SYT9: variants seen among roughly 807,000 people sequenced by gnomAD.
SYT9 encodes synaptotagmin-9.
SYT9 carries 22 observed loss-of-function variants against 48.4 expected under a neutral mutation model. The observed-to-expected ratio is 0.45, with a 90% CI of 0.32 to 0.65. The LOEUF is 0.65. SYT9 is among the 30% of genes least tolerant of loss of function. The probability of loss-of-function intolerance (pLI) is 0.03; values close to 1 mark genes in which losing one functional copy is unlikely to be tolerated. For synonymous variants in SYT9, 265 were observed against 245.0 expected, an observed-to-expected ratio of 1.08 and a Z score of -0.76; for missense variants, 577 against 622.0, an observed-to-expected ratio of 0.93 and a Z score of 0.77.
intron 1 of SYT9, among the ~76,000 whole-genome samples, chr11:7,283,562 T>G (rs961531446): frequency 1.1e-4 from 16 of 152,286 alleles, no homozygotes; most frequent in Admixed American, 3.3e-4. Context: ...AGTTAATGTT[T>G]TCAGTAAAAA....
At chr11:7,377,730 G>A (rs7934287) in intron 3 of SYT9, among the ~76,000 whole-genome samples, 47,851 of 151,874 alleles carry the variant, frequency 0.32, 8,097 homozygotes, top group African/African-American at 0.44. Flanking sequence ...TCATATCTCC[G>A]CCACACAAGA....
intron 1 of SYT9, among the ~76,000 whole-genome samples, chr11:7,283,036 C>A (rs892524033): frequency 6.6e-6 from 1 of 151,102 alleles, no homozygotes; most frequent in Non-Finnish European, 1.5e-5. Context: ...CAGAGGCAAC[C>A]ATTTTTATTT....
At chr11:7,367,842 A>G (rs1255976100) in intron 3 of SYT9, among the ~76,000 whole-genome samples, 3 of 152,364 alleles carry the variant, frequency 2.0e-5, no homozygotes, top group East Asian at 1.9e-4. Context: ...AAAACTGCCT[A>G]TATTAACAAT....
chr11:7,313,909 ATCCT>A lies in SYT9; in HGVS notation c.1014_1017del (p.Leu339GlyfsTer17). 1 of 1,613,694 alleles carries A rather than the reference ATCCT, an allele frequency of 6.2e-7. No individual in the cohort carries two copies. On this transcript the variant is annotated frameshift_variant, in exon 3 of 7. Transcript: ENST00000318881. LOFTEE classifies it high-confidence loss of function. ...CTTGGCTGATTTCCCCAGGGAGTGCATCCTTTGGAAGGATATCGAATATGTCACC... is the reference window on the plus strand; with the variant it reads ...CTTGGCTGATTTCCCCAGGGAGTGCATTGGAAGGATATCGAATATGTCACC...
chr11:7,257,586 A>C (rs1847997498), intron 1 of SYT9, among the ~76,000 whole-genome samples: 1 of 152,184 alleles, frequency 6.6e-6, no homozygotes, highest in Non-Finnish European at 1.5e-5. Context: ...GCCTTGATTC[A>C]AATTTTTCTA....
chr11:7,284,176 A>G (rs1354736696), intron 1 of SYT9, among the ~76,000 whole-genome samples: 4 of 152,110 alleles, frequency 2.6e-5, no homozygotes, highest in Non-Finnish European at 4.4e-5. Flanking sequence ...TTTCTTCACT[A>G]TATTGTTAAG....
intron 3 of SYT9, among the ~76,000 whole-genome samples, chr11:7,397,704 G>T (rs6578856): frequency 0.79 from 120,592 of 151,994 alleles, 48,076 homozygotes; most frequent in Non-Finnish European, 0.84. Flanking sequence ...CATCAATGTT[G>T]GTAGTTTTCA....
At chr11:7,310,005 G>T (rs1459139733) in intron 2 of SYT9, among the ~76,000 whole-genome samples, 2 of 152,208 alleles carry the variant, frequency 1.3e-5, no homozygotes, top group African/African-American at 4.8e-5. Flanking sequence ...AGATTCAACT[G>T]ATTTCCCAAG....
intron 6 of SYT9, among the ~76,000 whole-genome samples, chr11:7,449,926 C>A (rs1231985826): frequency 6.6e-6 from 1 of 152,164 alleles, no homozygotes; most frequent in Non-Finnish European, 1.5e-5. Flanking sequence ...CTACCACCCC[C>A]TCCCCTGTGC....
intron 3 of SYT9, among the ~76,000 whole-genome samples, chr11:7,366,205 T>A (rs1156772717): frequency 6.6e-6 from 1 of 152,174 alleles, no homozygotes; most frequent in Admixed American, 6.5e-5. Flanking sequence ...TACCTGGGTT[T>A]TGGGCCTTCT....
chr11:7,298,492 G>T (rs943531953), intron 1 of SYT9, among the ~76,000 whole-genome samples: 7 of 152,058 alleles, frequency 4.6e-5, no homozygotes, highest in Non-Finnish European at 1.0e-4. Flanking sequence ...TTGAGGTGTT[G>T]ATTTGCCCAT....
At chr11:7,383,937 C>T (rs927362565) in intron 3 of SYT9, among the ~76,000 whole-genome samples, 7 of 152,184 alleles carry the variant, frequency 4.6e-5, no homozygotes, top group Admixed American at 3.9e-4. Flanking sequence ...CTTTCAGCTA[C>T]TTTGTTTCTT....
In SYT9 at chr11:7,252,648, C is replaced by T. The variant is rs2119759716; in HGVS notation, c.145+317C>T. Among the ~76,000 whole-genome samples the T allele has an allele frequency of 6.6e-6, 1 of 152,358 alleles. No individual in the cohort carries two copies. Among genetic ancestry groups the T allele is most frequent in the South Asian group, 2.1e-4 (1 of 4,834 alleles). ...AGCTCCGAGCTACGCTCTCCACTTC[C>T]CGGGCTATCTGCACTCAGAGCGAGG... On this transcript the variant is annotated intron_variant, in intron 1 of 6. Coordinates refer to ENST00000318881, the MANE Select transcript of SYT9 (RefSeq NM_175733.4). The surrounding 1 kb of genome is among the most constrained non-coding windows in gnomAD (Gnocchi z 6.3).
At chr11:7,360,244 G>A (rs1266852796) in intron 3 of SYT9, among the ~76,000 whole-genome samples, 3 of 152,054 alleles carry the variant, frequency 2.0e-5, no homozygotes, top group Non-Finnish European at 4.4e-5. Flanking sequence ...ATGCTGTTTT[G>A]GTTACTGTAG....
At chr11:7,429,012 G>A (rs1402718692) in intron 6 of SYT9, among the ~76,000 whole-genome samples, 1 of 152,166 alleles carries the variant, frequency 6.6e-6, no homozygotes, top group African/African-American at 2.4e-5. Context: ...GTTGGAATAG[G>A]TGGTTTTAGT....
chr11:7,400,046 C>G (rs1010060519), intron 3 of SYT9, among the ~76,000 whole-genome samples: 1 of 152,190 alleles, frequency 6.6e-6, no homozygotes, highest in African/African-American at 2.4e-5. Context: ...CACGTACTTA[C>G]CCCAAATGTG....
At chr11:7,243,419 G>A (rs1847759131) in intron 1 of SYT9, among the ~76,000 whole-genome samples, 1 of 152,112 alleles carries the variant, frequency 6.6e-6, no homozygotes, top group African/African-American at 2.4e-5. Context: ...GTTTTTCTAT[G>A]GTCTCTGAAT....
At chr11:7,254,421 C>T (rs1847929024) in intron 1 of SYT9, among the ~76,000 whole-genome samples, 1 of 152,096 alleles carries the variant, frequency 6.6e-6, no homozygotes, top group African/African-American at 2.4e-5. Flanking sequence ...TCCAAATCTC[C>T]CTTCATTTCC....
chr11:7,252,611 G>A lies in SYT9; in HGVS notation c.145+280G>A, dbSNP rs1031650704. ...GCGCTCCCATCGCCAAGGCTCCTGGGGGCGGCTCCCTAGCTCCGAGCTACG... is the reference window on the plus strand; with the variant it reads ...GCGCTCCCATCGCCAAGGCTCCTGGAGGCGGCTCCCTAGCTCCGAGCTACG... On this transcript the variant is annotated intron_variant, in intron 1 of 6. Transcript: ENST00000318881. This position sits in a 1 kb window ranked among gnomAD's most constrained non-coding sequence, Gnocchi z 6.3. Among the ~76,000 whole-genome samples the A allele has an allele frequency of 6.6e-6, 1 of 152,212 alleles. No individual in the cohort carries two copies. The highest frequency in any genetic ancestry group is 2.4e-5 in the African/African-American group (1 of 41,470).
Sources: gnomAD v4.1 joint callset for allele counts (sites outside exome capture counted in the v4.1 genomes callset) on GRCh38, gnomAD v4.1.1 for gene constraint, Gnocchi (gnomAD v3.1) non-coding constraint, MANE v1.5 for transcripts, NCBI Gene and HGNC (gene_info 2026-07-23, HGNC 2026-07-21) for gene names.